The following GABBR2 variants were observed in gnomAD, a reference collection of about 807,000 sequenced individuals.
GABBR2 encodes G-protein coupled receptor 51.
In GABBR2, 23 loss-of-function variants were observed where a neutral mutation model predicts 105.6. The ratio of observed to expected loss-of-function variants is 0.22; its 90% CI spans 0.16 to 0.31. The LOEUF (loss-of-function observed/expected upper bound fraction) is 0.31, where lower values mean the gene tolerates loss of function less well. Among genes scored for constraint, GABBR2 ranks in the 10% least tolerant of loss-of-function variants. The probability of loss-of-function intolerance (pLI) is 1.00; values close to 1 mark genes in which losing one functional copy is unlikely to be tolerated. For missense variants in GABBR2, 734 were observed against 1,245.5 expected (o/e 0.59, Z 6.18); for synonymous variants, 478 against 499.7 (o/e 0.96, Z 0.58).
rs548657466 is a variant in GABBR2 at position 98,671,987 on chromosome 9, T to C, written c.321+36430A>G. On this transcript the variant is annotated intron_variant, in intron 1 of 18. Transcript: ENST00000259455. ...GCATGAAGGAGGTATCAAAGGTTTC[T>C]TGTTTGTAGAACTGGGTGGATGATG... 2.0e-5 allele frequency among the ~76,000 whole-genome samples: 3 copies of C among 152,312 alleles called. No homozygotes were observed. The South Asian group carries it at 6.2e-4, about 32-fold the overall frequency.
At chr9:98,448,618 A>G (rs76273894) in intron 7 of GABBR2, among the ~76,000 whole-genome samples, 13,309 of 151,992 alleles carry the variant, frequency 0.088, 715 homozygotes, top group South Asian at 0.23. Flanking sequence ...AGGTCTCATC[A>G]TGTTGCCCAG....
chr9:98,341,338 T>C (rs1042134656), intron 13 of GABBR2, among the ~76,000 whole-genome samples: 3 of 152,220 alleles, frequency 2.0e-5, no homozygotes, highest in Admixed American at 6.5e-5. Context: ...TGGACACCCT[T>C]AAAATGTCTC....
At chr9:98,397,716 C>A (rs1348703150) in intron 8 of GABBR2, among the ~76,000 whole-genome samples, 1 of 152,184 alleles carries the variant, frequency 6.6e-6, no homozygotes, top group Non-Finnish European at 1.5e-5. Flanking sequence ...ACCCTACCTG[C>A]CTCTTCCAGG....
intron 1 of GABBR2, among the ~76,000 whole-genome samples, chr9:98,593,060 GC>G (rs1277432597): frequency 6.6e-6 from 1 of 152,046 alleles, no homozygotes; most frequent in Non-Finnish European, 1.5e-5. Context: ...GCTCACTGCA[GC>G]TTTGACCTCC....
intron 1 of GABBR2, chr9:98,607,278 G>T: frequency 1.0e-6 from 1 of 990,586 alleles, no homozygotes; most frequent in South Asian, 1.3e-5. Flanking sequence ...GCATGTGAAC[G>T]GACGTCAGAT....
intron 7 of GABBR2, among the ~76,000 whole-genome samples, chr9:98,426,530 G>A (rs1825692339): frequency 6.6e-6 from 1 of 152,192 alleles, no homozygotes; most frequent in African/African-American, 2.4e-5. Flanking sequence ...GGAAACAGTG[G>A]GCTGGGCTGG....
intron 13 of GABBR2, among the ~76,000 whole-genome samples, chr9:98,333,564 CTA>C (rs1173771238): frequency 2.0e-5 from 3 of 152,126 alleles, no homozygotes; most frequent in Non-Finnish European, 2.9e-5. Context: ...CTGTGTCCCT[CTA>C]TGTGTATTTT....
At chr9:98,489,720 TGG>T (rs1199884624) in intron 4 of GABBR2, among the ~76,000 whole-genome samples, 1 of 151,020 alleles carries the variant, frequency 6.6e-6, no homozygotes, top group East Asian at 2.0e-4. Context: ...ATCACACAAT[TGG>T]GATGGCCCAG....
intron 13 of GABBR2, among the ~76,000 whole-genome samples, chr9:98,359,937 T>G (rs1412326624): frequency 1.3e-5 from 2 of 152,132 alleles, no homozygotes; most frequent in Non-Finnish European, 2.9e-5. Flanking sequence ...CAGGGACACC[T>G]CTCCATAGGA....
chr9:98,644,600 G>A (rs1029085100), intron 1 of GABBR2, among the ~76,000 whole-genome samples: 10 of 152,290 alleles, frequency 6.6e-5, no homozygotes, highest in East Asian at 3.9e-4. Context: ...CCAGCACTTC[G>A]GGAGGCTGAG....
intron 1 of GABBR2, among the ~76,000 whole-genome samples, chr9:98,593,673 C>G (rs879752858): frequency 4.6e-5 from 7 of 152,178 alleles, no homozygotes; most frequent in Non-Finnish European, 1.0e-4. Flanking sequence ...GCCATGTCCC[C>G]GAATCTGACA....
At chr9:98,622,187 C>A (rs1003776420) in intron 1 of GABBR2, among the ~76,000 whole-genome samples, 2 of 152,000 alleles carry the variant, frequency 1.3e-5, no homozygotes, top group Admixed American at 6.6e-5. Context: ...TTTTTTGAGA[C>A]AGGGTCTTGC....
intron 3 of GABBR2, among the ~76,000 whole-genome samples, chr9:98,524,002 A>AG (rs1827913820): frequency 2.2e-5 from 1 of 45,478 alleles, no homozygotes; most frequent in African/African-American, 5.2e-5. Flanking sequence ...AGGGCCTATA[A>AG]CAAAAAAACA....
At chr9:98,533,107 C>G (rs1345928856) in intron 3 of GABBR2, among the ~76,000 whole-genome samples, 1 of 152,200 alleles carries the variant, frequency 6.6e-6, no homozygotes, top group Non-Finnish European at 1.5e-5. Flanking sequence ...AGGAGTCAGA[C>G]TTGCTGACTC....
chr9:98,503,609 A>G lies in GABBR2; in HGVS notation c.631-7095T>C, dbSNP rs1827447811. 2.0e-5 allele frequency among the ~76,000 whole-genome samples: 3 copies of G among 152,148 alleles called. No individual in the cohort carries two copies. The South Asian group carries it at 6.2e-4, about 32-fold the overall frequency. On this transcript the variant is annotated intron_variant, in intron 3 of 18. Transcript: ENST00000259455. The stretch of plus-strand genomic sequence containing the variant: ...AAGTGATCGGCTTGGGGGTACATTC[A>G]GGACAACTAATAATCTGTATTAGTC...
intron 3 of GABBR2, among the ~76,000 whole-genome samples, chr9:98,541,359 C>CTTT (rs11463257): frequency 0.01 from 1,519 of 150,612 alleles, 25 homozygotes; most frequent in African/African-American, 0.035. Flanking sequence ...CATATTTTGG[C>CTTT]TTTTTTTTCC....
chr9:98,458,378 G>A (rs1291190249), intron 6 of GABBR2, among the ~76,000 whole-genome samples: 6 of 152,194 alleles, frequency 3.9e-5, no homozygotes, highest in Non-Finnish European at 7.3e-5. Context: ...CCGTGCTGCC[G>A]TTTGTAAATC....
At chr9:98,312,605 T>G (rs1830652943) in intron 13 of GABBR2, among the ~76,000 whole-genome samples, 1 of 152,244 alleles carries the variant, frequency 6.6e-6, no homozygotes, top group African/African-American at 2.4e-5. Flanking sequence ...ACGCAGTGGT[T>G]TCAGCAACCA....
chr9:98,359,491 A>T lies in GABBR2; in HGVS notation c.1893+3224T>A, dbSNP rs960368955. Among the ~76,000 whole-genome samples the T allele has an allele frequency of 2.6e-5, 4 of 152,270 alleles. No homozygotes were observed. In the East Asian group the frequency reaches 7.7e-4, roughly 29 times the overall value. Reference sequence around the variant, plus strand: ...ATTTATGGCACAGAAATGAATAAGGATGGGGGACTGGGCTGCCCCCAGTAG... The same window carrying T: ...ATTTATGGCACAGAAATGAATAAGGTTGGGGGACTGGGCTGCCCCCAGTAG... On this transcript the variant is annotated intron_variant, in intron 13 of 18. Coordinates refer to ENST00000259455, the MANE Select transcript of GABBR2 (RefSeq NM_005458.8).
Sources: allele counts gnomAD v4.1 joint callset (sites outside exome capture counted in the v4.1 genomes callset), GRCh38; gene constraint gnomAD v4.1.1; transcripts MANE v1.5; gene names NCBI Gene and HGNC (gene_info 2026-07-23, HGNC 2026-07-21).